The following DIP2C variants were observed in gnomAD, a reference collection of about 807,000 sequenced individuals.
DIP2C encodes DIP2 acetate--CoA ligase C (putative).
Under a neutral mutation model 192.4 loss-of-function variants are expected in DIP2C, and 33 were observed. The observed-to-expected ratio is 0.17, with a 90% CI of 0.13 to 0.23. The LOEUF (loss-of-function observed/expected upper bound fraction) is 0.23. Among genes scored for constraint, DIP2C ranks in the 10% least tolerant of loss-of-function variants. The probability of loss-of-function intolerance (pLI) is 1.00; values close to 1 mark genes in which losing one functional copy is unlikely to be tolerated. For synonymous variants in DIP2C, 979 were observed against 864.1 expected, an observed-to-expected ratio of 1.13 and a Z score of -2.33; for missense variants, 1,537 against 2,110.1, an observed-to-expected ratio of 0.73 and a Z score of 5.32.
At chr10:343,766 T>G (rs958563960) in intron 28 of DIP2C, among the ~76,000 whole-genome samples, 3 of 152,226 alleles carry the variant, frequency 2.0e-5, no homozygotes, top group Non-Finnish European at 2.9e-5. Flanking sequence ...TGCAAAGCAC[T>G]ATTTCTAGGT....
At chr10:441,054 G>C (rs1220275254) in intron 3 of DIP2C, 58 bp from the exon 4 acceptor site, 11 of 1,562,122 alleles carry the variant, frequency 7.0e-6, no homozygotes, top group Non-Finnish European at 2.6e-6. Flanking sequence ...AGGCCAAGCT[G>C]CACCCTCCTC....
chr10:513,112 G>A (rs1446710823), intron 1 of DIP2C, among the ~76,000 whole-genome samples: 1 of 152,108 alleles, frequency 6.6e-6, no homozygotes, highest in African/African-American at 2.4e-5. Context: ...CATTTTAAGA[G>A]TGCTACATTA....
At chr10:410,947 A>G (rs146746165) in intron 8 of DIP2C, among the ~76,000 whole-genome samples, 292 of 152,326 alleles carry the variant, frequency 1.9e-3, no homozygotes, top group African/African-American at 6.2e-3. Flanking sequence ...ATTGTATTAG[A>G]TATTAATTGT....
chr10:394,180 G>A (rs1276113611), intron 10 of DIP2C, among the ~76,000 whole-genome samples: 1 of 152,248 alleles, frequency 6.6e-6, no homozygotes, highest in Non-Finnish European at 1.5e-5. Context: ...AAAGACCCAC[G>A]AATGGATGCA....
At chr10:649,026 G>C (rs1361099275) in intron 1 of DIP2C, among the ~76,000 whole-genome samples, 1 of 149,530 alleles carries the variant, frequency 6.7e-6, no homozygotes, top group Non-Finnish European at 1.5e-5. Context: ...GGGTGGGTGA[G>C]AACAGAGGGA....
At chr10:442,756 CACAT>C (rs899073336) in intron 3 of DIP2C, among the ~76,000 whole-genome samples, 7 of 152,188 alleles carry the variant, frequency 4.6e-5, no homozygotes, top group African/African-American at 1.4e-4. Context: ...AATATTCTCT[CACAT>C]ACATTTTCCT....
intron 1 of DIP2C, among the ~76,000 whole-genome samples, chr10:551,132 T>TG (rs1195078293): frequency 2.0e-5 from 3 of 152,198 alleles, no homozygotes; most frequent in African/African-American, 4.8e-5. Flanking sequence ...ACTGTGGCTC[T>TG]GGTAGAGGCA....
At chr10:404,769 C>G (rs1589717443) in intron 9 of DIP2C, among the ~76,000 whole-genome samples, 2 of 152,148 alleles carry the variant, frequency 1.3e-5, no homozygotes, top group Admixed American at 1.3e-4. Context: ...CTATAGTCCA[C>G]TACAATTTGC....
At chr10:558,605 G>A (rs12255632) in intron 1 of DIP2C, among the ~76,000 whole-genome samples, 24,320 of 151,984 alleles carry the variant, frequency 0.16, 3,060 homozygotes, top group African/African-American at 0.35. Context: ...ATCGCGTCTC[G>A]GGGAAAGGCA....
intron 1 of DIP2C, among the ~76,000 whole-genome samples, chr10:522,442 G>A (rs1193339063): frequency 1.3e-5 from 2 of 152,272 alleles, no homozygotes; most frequent in Non-Finnish European, 2.9e-5. Flanking sequence ...GTCCAGGACT[G>A]TGGTTGCTCC....
At chr10:619,449 C>T (rs1477204616) in intron 1 of DIP2C, among the ~76,000 whole-genome samples, 1 of 148,108 alleles carries the variant, frequency 6.8e-6, no homozygotes, top group Non-Finnish European at 1.5e-5. Context: ...ATCTTCAGAG[C>T]CCACGGCAGC....
At chr10:399,948 C>T (rs1964284894) in intron 9 of DIP2C, among the ~76,000 whole-genome samples, 1 of 152,220 alleles carries the variant, frequency 6.6e-6, no homozygotes, top group African/African-American at 2.4e-5. Flanking sequence ...CCAGCTCAGC[C>T]TCTCTTAAGA....
chr10:390,152 T>G lies in DIP2C; in HGVS notation c.1495-59A>C, dbSNP rs574898585. Reference sequence around the variant, plus strand: ...TGACAGGTCACGGCAGTTTTTCTGGTTACTTGAGGTTCTCCAAGTCCCTGA... The same window carrying G: ...TGACAGGTCACGGCAGTTTTTCTGGGTACTTGAGGTTCTCCAAGTCCCTGA... On this transcript the variant is annotated intron_variant, in intron 12 of 36. Coordinates refer to ENST00000280886, the MANE Select transcript of DIP2C (RefSeq NM_014974.3). 5.0e-6 allele frequency: 8 copies of G among 1,586,110 alleles called. No individual in the cohort carries two copies. In the East Asian group the frequency reaches 1.8e-4, roughly 36 times the overall value.
chr10:418,677 T>A (rs945367057), intron 6 of DIP2C, among the ~76,000 whole-genome samples: 1 of 152,278 alleles, frequency 6.6e-6, no homozygotes, highest in Non-Finnish European at 1.5e-5. Flanking sequence ...CATCTGACAG[T>A]AATTCTGTTG....
At chr10:549,778 C>G (rs374936093) in intron 1 of DIP2C, among the ~76,000 whole-genome samples, 9 of 152,278 alleles carry the variant, frequency 5.9e-5, no homozygotes, top group African/African-American at 1.9e-4. Flanking sequence ...TATTTATTTA[C>G]CCATAAAATT....
intron 1 of DIP2C, among the ~76,000 whole-genome samples, chr10:545,899 G>GACAATTTGTTGTCGGT (rs1366943481): frequency 6.6e-6 from 1 of 152,178 alleles, no homozygotes; most frequent in Non-Finnish European, 1.5e-5. Context: ...AAGAATCATG[G>GACAATTTGTTGTCGGT]ACAATTTGTT....
intron 29 of DIP2C, among the ~76,000 whole-genome samples, chr10:331,923 T>C (rs1457483448): frequency 6.6e-6 from 1 of 150,712 alleles, no homozygotes; most frequent in African/African-American, 2.5e-5. Flanking sequence ...TATTAACCAC[T>C]TCTTTTCTTT....
At chr10:441,605 T>C (rs761272682) in intron 3 of DIP2C, among the ~76,000 whole-genome samples, 1 of 152,166 alleles carries the variant, frequency 6.6e-6, no homozygotes, top group Non-Finnish European at 1.5e-5. Flanking sequence ...TTATTAGAGG[T>C]TTCCGCTTTT....
Position 662,035 on chromosome 10 carries a change from C to T in DIP2C, c.85+27459G>A, listed in dbSNP as rs1048095460. 4.2e-6 allele frequency: 3 copies of T among 716,164 alleles called. No individual in the cohort carries two copies. The African/African-American group carries it at 5.2e-5, about 13-fold the overall frequency. 44.4% of individuals were successfully genotyped at this position (716,164 alleles called of 1,614,324 possible). A position where few individuals can be genotyped will look rare whatever the true frequency, so the allele number is the denominator to read the frequency against. ...GGCGAGTGCCCCGCAGGAGCCTGGCCTGTCCCCCGTGGCTCCACAGCATAC... is the reference window on the plus strand; with the variant it reads ...GGCGAGTGCCCCGCAGGAGCCTGGCTTGTCCCCCGTGGCTCCACAGCATAC... On this transcript the variant is annotated intron_variant, in intron 1 of 36. Transcript: ENST00000280886.
Sources: gnomAD v4.1 joint callset for allele counts (sites outside exome capture counted in the v4.1 genomes callset) on GRCh38, gnomAD v4.1.1 for gene constraint, MANE v1.5 for transcripts, NCBI Gene and HGNC (gene_info 2026-07-23, HGNC 2026-07-21) for gene names.